Variants in TPPP2 observed in about 807,000 individuals in gnomAD.
TPPP2 encodes the protein tubulin polymerization promoting protein family member 2.
In TPPP2, 8 loss-of-function variants were observed where a neutral mutation model predicts 13.0. The ratio of observed to expected loss-of-function variants is 0.62; its 90% CI spans 0.36 to 1.11. TPPP2 has a LOEUF of 1.11. Ranked by LOEUF, TPPP2 falls within the 50% of genes most tolerant of loss-of-function variation. The pLI is 0.02. For synonymous variants in TPPP2, 81 were observed against 81.8 expected (o/e 0.99, Z 0.05); for missense variants, 213 against 216.9 (o/e 0.98, Z 0.11).
chr14:21,025,492 A>C (rs1158761769), upstream of TPPP2: 4 of 985,276 alleles, frequency 4.1e-6, no homozygotes, highest in East Asian at 3.4e-4. The surrounding 1 kb of genome is among the most constrained non-coding windows in gnomAD (Gnocchi z 5.1). Context: ...ACACCCCACG[A>C]GTTCGACTCC....
downstream of TPPP2, among the ~76,000 whole-genome samples, chr14:21,035,097 C>T (rs1884532681): frequency 6.6e-6 from 1 of 152,236 alleles, no homozygotes; most frequent in South Asian, 2.1e-4. Flanking sequence ...CTCACGGGAG[C>T]CCAGGAGGGC....
upstream of TPPP2, chr14:21,029,342 T>C (rs1883905238): frequency 6.6e-6 from 1 of 152,264 alleles, no homozygotes; most frequent in Admixed American, 6.5e-5. Flanking sequence ...GGGTCACACC[T>C]GTAATCCCAG....
At chr14:21,031,860 G>A (rs1477056255) in intron 3 of TPPP2, 32 bp from the exon 4 acceptor site, 2 of 1,604,940 alleles carry the variant, frequency 1.2e-6, no homozygotes, top group African/African-American at 2.7e-5. Flanking sequence ...GTAAGGAAAG[G>A]AAGAGAGCTC....
Position 21,031,935 on chromosome 14 carries a change from G to A in TPPP2, c.371G>A (p.Ser124Asn), listed in dbSNP as rs755140865. The A allele has an allele frequency of 4.2e-5, 68 of 1,614,048 alleles. No individual in the cohort carries two copies. Among genetic ancestry groups the A allele is most frequent in the Middle Eastern group, 1.6e-4 (1 of 6,080 alleles). The change falls in exon 4 of 4, where the codon AGC becomes AAC. Residue 124 changes from serine (S) to asparagine (N), a missense_variant. Coordinates refer to ENST00000321760, the MANE Select transcript of TPPP2 (RefSeq NM_173846.5). ...VGAVDRLTDT[S>N]KYTGTHKERF... ...GCAGTGGACCGTTTGACAGACACCA[G>A]CAAGTACACCGGCACCCACAAGGAG... is the stretch of plus-strand genomic sequence containing the variant.
rs187331177 is a variant in TPPP2 at position 21,032,787 on chromosome 14, G to A, written c.*710G>A. 1.4e-3 allele frequency: 540 copies of A among 372,896 alleles called. 3 individuals are homozygous for A. The highest frequency in any genetic ancestry group is 0.011 in the African/African-American group (513 of 47,056). The allele number at this position is 372,896 out of a possible 1,614,324, so 23.1% of individuals were successfully genotyped here. ...AGAGCAGGAGTTCTGGTGCACTGAA[G>A]AAAAAGCAATTAAATCACAACAGAG... On this transcript the variant is annotated 3_prime_UTR_variant, in exon 4 of 4. Coordinates refer to ENST00000321760, the MANE Select transcript of TPPP2 (RefSeq NM_173846.5).
At chr14:21,030,356 C>T (rs142554387) in intron 1 of TPPP2, 52 bp downstream of exon 1, 1 of 550,646 alleles carries the variant, frequency 1.8e-6, no homozygotes, top group East Asian at 3.1e-5. Flanking sequence ...GTAGGATCCA[C>T]ACTGGTATCT....
chr14:21,025,281 C>T, upstream of TPPP2: 2 of 926,382 alleles, frequency 2.2e-6, no homozygotes, highest in Non-Finnish European at 2.6e-6. This position sits in a 1 kb window ranked among gnomAD's most constrained non-coding sequence, Gnocchi z 5.1. Context: ...CTGCTCGGCT[C>T]ACCAAAACAT....
chr14:21,025,710 C>G (rs1475931440), upstream of TPPP2: 5 of 984,966 alleles, frequency 5.1e-6, no homozygotes, highest in Non-Finnish European at 6.0e-6. This position sits in a 1 kb window ranked among gnomAD's most constrained non-coding sequence, Gnocchi z 5.1. Context: ...GACGCCTGCT[C>G]TCCGGCTGCT....
At chr14:21,028,881 G>A (rs1413906049), upstream of TPPP2, 1 of 152,200 alleles carries the variant, frequency 6.6e-6, no homozygotes, top group African/African-American at 2.4e-5. Context: ...AAAATAGAAA[G>A]TGGTGGCATT....
Position 21,025,020 on chromosome 14 carries a change from T to A in TPPP2, n.236+676T>A. The stretch of plus-strand genomic sequence containing the variant: ...GGCCCTACGGCCCCTCGCCTGCCCC[T>A]CCCCCTACCTGCTGCCGCCGCGGCC... On this transcript the variant is annotated intron_variant and non_coding_transcript_variant, in intron 1 of 1. Coordinates refer to the TPPP2 transcript ENST00000533755. The surrounding 1 kb of genome is among the most constrained non-coding windows in gnomAD (Gnocchi z 5.1). 2 of 980,572 alleles carry A rather than the reference T, an allele frequency of 2.0e-6. No individual in the cohort carries two copies. Among genetic ancestry groups the A allele is most frequent in the Non-Finnish European group, 2.4e-6 (2 of 828,784 alleles). The allele number at this position is 980,572 out of a possible 1,614,324, so 60.7% of individuals were successfully genotyped here. A position where few individuals can be genotyped will look rare whatever the true frequency, so the allele number is the denominator to read the frequency against.
chr14:21,030,341 A>G (rs758920909), intron 1 of TPPP2, 37 bp downstream of exon 1: 106 of 509,052 alleles, frequency 2.1e-4, no homozygotes, highest in Admixed American at 3.3e-4. Context: ...AGGATCATTC[A>G]GTAGGTAGGA....
At chr14:21,035,822 G>A (rs1302480735), downstream of TPPP2, 3 of 456,128 alleles carry the variant, frequency 6.6e-6, no homozygotes, top group Non-Finnish European at 8.8e-6. Flanking sequence ...CAAGAAACCT[G>A]AAAGTGATCC....
downstream of TPPP2, chr14:21,033,235 T>G: frequency 3.1e-6 from 1 of 327,802 alleles, no homozygotes; most frequent in South Asian, 2.4e-5. Context: ...AGGACAGTTA[T>G]ATGAAGGGAG....
rs139355625 is a variant in TPPP2 at position 21,030,612 on chromosome 14, C to G, written c.31C>G (p.Arg11Gly). The change falls in exon 2 of 4, where the codon CGG becomes GGG. Residue 11 changes from arginine to glycine, a missense_variant. Coordinates refer to ENST00000321760, the MANE Select transcript of TPPP2 (RefSeq NM_173846.5). MASEAEKTFH[R>G]FAAFGESSSS... is the part of the protein sequence containing the mutation. ...ATCAGAGGCAGAAAAAACATTCCAT[C>G]GGTTTGCTGCGTTTGGAGAATCATC... The G allele has an allele frequency of 6.2e-7, 1 of 1,613,894 alleles. No homozygotes were observed. Among genetic ancestry groups the G allele is most frequent in the African/African-American group, 1.3e-5 (1 of 75,022 alleles).
chr14:21,025,519 A>G (rs1411040893), upstream of TPPP2: 5 of 985,408 alleles, frequency 5.1e-6, no homozygotes, highest in East Asian at 4.6e-4. The surrounding 1 kb of genome is among the most constrained non-coding windows in gnomAD (Gnocchi z 5.1). Flanking sequence ...CCGAACACAG[A>G]GAACTAGATT....
upstream of TPPP2, chr14:21,025,458 T>C (rs1883407617): frequency 1.0e-6 from 1 of 985,492 alleles, no homozygotes; most frequent in African/African-American, 1.7e-5. The surrounding 1 kb of genome is among the most constrained non-coding windows in gnomAD (Gnocchi z 5.1). Context: ...GAACCGGTAG[T>C]GGGGAGACGA....
At chr14:21,033,754 A>T (rs533305200), downstream of TPPP2, 6 of 1,095,182 alleles carry the variant, frequency 5.5e-6, no homozygotes, top group African/African-American at 9.3e-5. Context: ...TGTTACAGGG[A>T]TCAGAGTGTT....
rs1594472888 is a variant in TPPP2, at chr14:21,030,316, A to G, written c.-70+12A>G. The G allele has an allele frequency of 2.2e-6, 1 of 450,438 alleles. No homozygotes were observed. Among genetic ancestry groups the G allele is most frequent in the Non-Finnish European group, 4.1e-6 (1 of 246,386 alleles). 27.9% of individuals were successfully genotyped at this position (450,438 alleles called of 1,614,324 possible). A position where few individuals can be genotyped will look rare whatever the true frequency, so the allele number is the denominator to read the frequency against. On this transcript the variant is annotated intron_variant, in intron 1 of 3. Transcript: ENST00000321760. ...CCGGGTACTCTAAGGTACATAAAAGAGGTAGGGGAAAGAGAGGATCATTCA... is the reference window on the plus strand; with the variant it reads ...CCGGGTACTCTAAGGTACATAAAAGGGGTAGGGGAAAGAGAGGATCATTCA...
chr14:21,033,645 G>T, downstream of TPPP2: 1 of 620,228 alleles, frequency 1.6e-6, no homozygotes, highest in South Asian at 1.9e-5. Flanking sequence ...CTAGAAGATA[G>T]CACCACTTTG....
Sources: gnomAD v4.1 joint callset for allele counts (sites outside exome capture counted in the v4.1 genomes callset) on GRCh38, gnomAD v4.1.1 for gene constraint, Gnocchi (gnomAD v3.1) non-coding constraint, MANE v1.5 for transcripts, NCBI Gene and HGNC (gene_info 2026-07-23, HGNC 2026-07-21) for gene names.